FAM13A: variants seen among roughly 807,000 people sequenced by gnomAD.
FAM13A encodes the protein protein FAM13A.
FAM13A carries 76 observed loss-of-function variants against 129.6 expected under a neutral mutation model. The ratio of observed to expected loss-of-function variants is 0.59; its 90% CI spans 0.49 to 0.71. FAM13A has a LOEUF of 0.71. Among genes scored for constraint, FAM13A ranks in the 30% least tolerant of loss-of-function variants. The probability of loss-of-function intolerance (pLI) is 0.00; values close to 1 mark genes in which losing one functional copy is unlikely to be tolerated. For synonymous variants in FAM13A, 443 were observed against 449.9 expected, an observed-to-expected ratio of 0.98 and a Z score of 0.20; for missense variants, 1,108 against 1,249.3, an observed-to-expected ratio of 0.89 and a Z score of 1.70.
At chr4:88,834,892 T>C (rs1326526074) in intron 7 of FAM13A, among the ~76,000 whole-genome samples, 1 of 152,164 alleles carries the variant, frequency 6.6e-6, no homozygotes, top group Non-Finnish European at 1.5e-5. Context: ...ACCACCACTG[T>C]TCTCTTCCAT....
chr4:88,877,343 T>C lies in FAM13A; in HGVS notation c.844-26160A>G, dbSNP rs183171626. Among the ~76,000 whole-genome samples, 201 of 152,328 alleles carry C rather than the reference T, an allele frequency of 1.3e-3. 2 individuals are homozygous for C. The highest frequency in any genetic ancestry group is 4.3e-3 in the African/African-American group (179 of 41,574). ...AAATAATTCTAAGAAATGAATCTTATGCCAAAATTGTTTGACCAAACAGTA... is the reference window on the plus strand; with the variant it reads ...AAATAATTCTAAGAAATGAATCTTACGCCAAAATTGTTTGACCAAACAGTA... On this transcript the variant is annotated intron_variant, in intron 6 of 23. Transcript: ENST00000264344.
At chr4:88,897,728 C>CACTA (rs1210053671) in intron 6 of FAM13A, among the ~76,000 whole-genome samples, 1 of 152,168 alleles carries the variant, frequency 6.6e-6, no homozygotes, top group Admixed American at 6.6e-5. Flanking sequence ...AGAAAGGACA[C>CACTA]ACTAACCATA....
At chr4:88,825,330 CTT>C (rs1732799620) in intron 7 of FAM13A, among the ~76,000 whole-genome samples, 1 of 151,760 alleles carries the variant, frequency 6.6e-6, no homozygotes, top group Non-Finnish European at 1.5e-5. Context: ...ATTCTCCTGT[CTT>C]AGCCTCCTGA....
chr4:88,813,191 GT>G (rs1348730892), intron 7 of FAM13A, among the ~76,000 whole-genome samples: 2 of 152,102 alleles, frequency 1.3e-5, no homozygotes, highest in Non-Finnish European at 2.9e-5. Flanking sequence ...CACTATATCT[GT>G]TTGTTCTGGC....
chr4:88,964,293 T>C (rs957079890), intron 4 of FAM13A, among the ~76,000 whole-genome samples: 6 of 152,222 alleles, frequency 3.9e-5, no homozygotes, highest in Non-Finnish European at 5.9e-5. Flanking sequence ...AAGGGCAAGA[T>C]AGCCTCTCCC....
chr4:88,841,511 A>T, intron 7 of FAM13A, among the ~76,000 whole-genome samples: 1 of 147,428 alleles, frequency 6.8e-6, no homozygotes, highest in Admixed American at 6.7e-5. Flanking sequence ...AAAAAAAAAA[A>T]AAAATTGAAA....
intron 7 of FAM13A, among the ~76,000 whole-genome samples, chr4:88,806,418 T>G (rs545557333): frequency 6.6e-6 from 1 of 152,306 alleles, no homozygotes; most frequent in East Asian, 1.9e-4. Context: ...AAGAGAAAAG[T>G]CTGCTTCGAC....
At chr4:88,771,731 T>G (rs2149567571) in intron 11 of FAM13A, among the ~76,000 whole-genome samples, 1 of 152,320 alleles carries the variant, frequency 6.6e-6, no homozygotes, top group East Asian at 1.9e-4. Context: ...TGTATTGCAA[T>G]TATTTCCAAC....
intron 8 of FAM13A, among the ~76,000 whole-genome samples, chr4:88,798,357 T>C (rs1408479096): frequency 6.6e-6 from 1 of 152,146 alleles, no homozygotes; most frequent in Admixed American, 6.6e-5. Flanking sequence ...ATCCCTTTCT[T>C]CCCCATTGTT....
At chr4:88,778,399 G>T (rs1007414302) in intron 11 of FAM13A, among the ~76,000 whole-genome samples, 6 of 152,158 alleles carry the variant, frequency 3.9e-5, no homozygotes, top group African/African-American at 1.4e-4. Context: ...GAATCTGTCA[G>T]GTGATTTTGT....
At chr4:88,731,526 G>A (rs1737789107) in intron 22 of FAM13A, 98 bp from the exon 23 acceptor site, 2 of 675,720 alleles carry the variant, frequency 3.0e-6, no homozygotes, top group Admixed American at 5.7e-5. Context: ...AGAAAGGGGA[G>A]GCAAGTAAAT....
intron 13 of FAM13A, among the ~76,000 whole-genome samples, chr4:88,761,378 T>C (rs1744781678): frequency 6.6e-6 from 1 of 152,112 alleles, no homozygotes; most frequent in South Asian, 2.1e-4. Flanking sequence ...CAAATACAAT[T>C]GCAATTTGAG....
chr4:88,882,076 A>C (rs1405529781), intron 6 of FAM13A, among the ~76,000 whole-genome samples: 1 of 152,210 alleles, frequency 6.6e-6, no homozygotes, highest in Non-Finnish European at 1.5e-5. Context: ...TAACCGAGGA[A>C]AACTTCCCTG....
intron 6 of FAM13A, among the ~76,000 whole-genome samples, chr4:88,884,106 T>C (rs1435836690): frequency 1.3e-5 from 2 of 152,108 alleles, no homozygotes; most frequent in East Asian, 3.8e-4. Context: ...ACCAATCCTA[T>C]TGACACTATT....
At chr4:88,878,387 T>C (rs1379129652) in intron 6 of FAM13A, among the ~76,000 whole-genome samples, 1 of 151,890 alleles carries the variant, frequency 6.6e-6, no homozygotes, top group Non-Finnish European at 1.5e-5. Flanking sequence ...TTCTTTAATT[T>C]AGAAATAGGA....
Position 89,010,502 on chromosome 4 carries a change from G to C in FAM13A, c.427+9958C>G, listed in dbSNP as rs143982602. On this transcript the variant is annotated intron_variant, in intron 3 of 23. Coordinates refer to ENST00000264344, the MANE Select transcript of FAM13A (RefSeq NM_014883.4). ...CTCTTCCTTTCAGGACAAAAGATCA[G>C]GTCTGAGGAGCTGAAGCACTTTAAA... 3.5e-3 allele frequency among the ~76,000 whole-genome samples: 529 copies of C among 152,318 alleles called. 5 individuals carry two copies. The highest frequency in any genetic ancestry group is 0.012 in the African/African-American group (502 of 41,572).
chr4:88,802,772 T>C (rs752568690), intron 8 of FAM13A, among the ~76,000 whole-genome samples: 18 of 152,154 alleles, frequency 1.2e-4, no homozygotes, highest in Non-Finnish European at 2.2e-4. Context: ...TCCGTCTGCA[T>C]CCTCTATCCC....
chr4:89,018,271 G>T (rs987681975), intron 3 of FAM13A, among the ~76,000 whole-genome samples: 12 of 152,160 alleles, frequency 7.9e-5, no homozygotes, highest in African/African-American at 2.9e-4. Flanking sequence ...AAGAGGAAGG[G>T]ACATCAGGAG....
chr4:88,925,567 A>AG (rs1027863836), intron 5 of FAM13A, among the ~76,000 whole-genome samples: 1 of 62,842 alleles, frequency 1.6e-5, no homozygotes, highest in Non-Finnish European at 3.0e-5. Flanking sequence ...GGGTGGGGGG[A>AG]GGGGGGAGGT....
Sources: allele counts gnomAD v4.1 joint callset (sites outside exome capture counted in the v4.1 genomes callset), GRCh38; gene constraint gnomAD v4.1.1; transcripts MANE v1.5; gene names NCBI Gene and HGNC (gene_info 2026-07-23, HGNC 2026-07-21).